The following PTPRK variants were observed in gnomAD, a reference collection of about 807,000 sequenced individuals.
PTPRK encodes the protein receptor-type tyrosine-protein phosphatase kappa.
A neutral mutation model predicts 178.0 loss-of-function variants in PTPRK; 75 were observed. The ratio of observed to expected loss-of-function variants is 0.42; its 90% CI spans 0.35 to 0.51. PTPRK has a LOEUF of 0.51. Among genes scored for constraint, PTPRK ranks in the 20% least tolerant of loss-of-function variants. PTPRK has a pLI of 0.02. For synonymous variants in PTPRK, 637 were observed against 620.6 expected (o/e 1.03, Z -0.39); for missense variants, 1,441 against 1,797.8 (o/e 0.80, Z 3.59).
chr6:128,451,621 A>G (rs1847807288), intron 1 of PTPRK, among the ~76,000 whole-genome samples: 1 of 152,128 alleles, frequency 6.6e-6, no homozygotes, highest in Admixed American at 6.5e-5. Context: ...AGCCTCGGTA[A>G]ATTTTTTTTG....
At position 128,284,696 on chromosome 6, in the gene PTPRK, T is replaced by C. The variant is rs558803156; in HGVS notation, c.495+37343A>G. On this transcript the variant is annotated intron_variant, in intron 3 of 29. Coordinates refer to ENST00000368226, the MANE Select transcript of PTPRK (RefSeq NM_002844.4). ...GGACATTTTTTAAAGTACATGATGTTTTATAATTAATGTTCATAATGCATA... is the reference window on the plus strand; with the variant it reads ...GGACATTTTTTAAAGTACATGATGTCTTATAATTAATGTTCATAATGCATA... 3.9e-5 allele frequency among the ~76,000 whole-genome samples: 6 copies of C among 152,314 alleles called. No homozygotes were observed. The South Asian group carries it at 1.2e-3, about 32-fold the overall frequency.
At chr6:127,988,985 T>C (rs537860548) in intron 21 of PTPRK, among the ~76,000 whole-genome samples, 97 of 152,186 alleles carry the variant, frequency 6.4e-4, no homozygotes, top group African/African-American at 2.2e-3. Flanking sequence ...TTGATCTATA[T>C]AATATAATTT....
intron 3 of PTPRK, chr6:128,321,257 T>C (rs1274891632): frequency 2.0e-5 from 3 of 152,856 alleles, no homozygotes; most frequent in Non-Finnish European, 4.4e-5. Context: ...TCTCAAGGTC[T>C]AACACAAAAT....
intron 6 of PTPRK, among the ~76,000 whole-genome samples, chr6:128,217,068 G>T (rs889917026): frequency 6.6e-6 from 1 of 152,118 alleles, no homozygotes; most frequent in Non-Finnish European, 1.5e-5. Flanking sequence ...GCACGCCCAC[G>T]TTCCTGTAGC....
At chr6:128,019,689 T>A (rs1329661665) in intron 13 of PTPRK, among the ~76,000 whole-genome samples, 1 of 152,196 alleles carries the variant, frequency 6.6e-6, no homozygotes, top group African/African-American at 2.4e-5. Context: ...GAATCATCAC[T>A]GAACAAAACA....
chr6:128,470,259 C>CATATATATATATAT (rs34303350), intron 1 of PTPRK, among the ~76,000 whole-genome samples: 2 of 147,812 alleles, frequency 1.4e-5, no homozygotes, highest in African/African-American at 5.0e-5. Context: ...TCTCAGTTTT[C>CATATATATATATAT]ATATATATAT....
intron 4 of PTPRK, chr6:128,241,394 C>CA (rs1814424553): frequency 1.2e-5 from 6 of 488,828 alleles, no homozygotes; most frequent in Admixed American, 6.7e-5. Flanking sequence ...AAGAGCCAAG[C>CA]AATCTGTGAT....
intron 7 of PTPRK, among the ~76,000 whole-genome samples, chr6:128,136,635 T>C (rs1028550555): frequency 6.6e-6 from 1 of 152,226 alleles, no homozygotes; most frequent in Non-Finnish European, 1.5e-5. Context: ...ACACTGTAGA[T>C]GCAGTTGTAT....
chr6:128,184,128 G>A (rs7772200), intron 7 of PTPRK, among the ~76,000 whole-genome samples: 4,133 of 152,146 alleles, frequency 0.027, 153 homozygotes, highest in African/African-American at 0.064. Context: ...TCTCAATAAT[G>A]CTTTCAATTA....
intron 11 of PTPRK, among the ~76,000 whole-genome samples, chr6:128,070,729 T>C (rs952494801): frequency 3.3e-5 from 5 of 151,878 alleles, no homozygotes; most frequent in African/African-American, 7.3e-5. Flanking sequence ...AGTTTCTAGA[T>C]ATTTTTAATC....
intron 3 of PTPRK, among the ~76,000 whole-genome samples, chr6:128,254,984 A>G (rs944151975): frequency 2.0e-5 from 3 of 152,086 alleles, no homozygotes; most frequent in African/African-American, 7.2e-5. Context: ...GTGGAATAAA[A>G]TCAGGGTTTT....
chr6:128,506,267 A>G (rs1856322737), intron 1 of PTPRK, among the ~76,000 whole-genome samples: 1 of 152,176 alleles, frequency 6.6e-6, no homozygotes, highest in Non-Finnish European at 1.5e-5. Flanking sequence ...CACTGCTTGG[A>G]GTGGCAGAGA....
At chr6:128,070,434 G>A (rs1436932581) in intron 11 of PTPRK, among the ~76,000 whole-genome samples, 2 of 151,966 alleles carry the variant, frequency 1.3e-5, no homozygotes, top group African/African-American at 4.8e-5. Context: ...CCAAATCCGA[G>A]AGCACCTGGA....
chr6:128,241,203 A>G (rs1272120515), intron 4 of PTPRK: 2 of 532,690 alleles, frequency 3.8e-6, no homozygotes, highest in African/African-American at 1.9e-5. Flanking sequence ...TACTGGCTAC[A>G]TCTTTCTCTA....
intron 2 of PTPRK, among the ~76,000 whole-genome samples, chr6:128,371,714 G>C (rs1046112627): frequency 1.3e-5 from 2 of 151,952 alleles, no homozygotes; most frequent in African/African-American, 4.8e-5. Context: ...TCTCAAGAAA[G>C]CAAGGCCAAA....
intron 2 of PTPRK, among the ~76,000 whole-genome samples, chr6:128,388,890 T>G (rs1261792222): frequency 6.6e-6 from 1 of 152,170 alleles, no homozygotes; most frequent in African/African-American, 2.4e-5. Context: ...AACATAACTT[T>G]TGAATAGTCA....
intron 7 of PTPRK, among the ~76,000 whole-genome samples, chr6:128,123,030 G>A (rs1792731434): frequency 6.6e-6 from 1 of 152,154 alleles, no homozygotes; most frequent in Non-Finnish European, 1.5e-5. Context: ...CTTTGCAGAG[G>A]TAATTAAGGA....
chr6:128,021,857 T>C (rs1773561623), intron 13 of PTPRK, among the ~76,000 whole-genome samples: 1 of 152,208 alleles, frequency 6.6e-6, no homozygotes, highest in Admixed American at 6.5e-5. Flanking sequence ...ATAACTTGAA[T>C]CTCAGTTTCT....
Position 128,015,379 on chromosome 6 carries a change from ACTGT to A in PTPRK, c.2195-6115_2195-6112del, listed in dbSNP as rs1779492215. ...ATTAGGTAAAATAGAGCGTTAGTGC[ACTGT>A]CTTACTTCTTAAACACAGTTGATTC... On this transcript the variant is annotated intron_variant, in intron 13 of 29. Transcript: ENST00000368226. Among the ~76,000 whole-genome samples the A allele has an allele frequency of 4.0e-5, 6 of 151,846 alleles. No homozygotes were observed. The South Asian group carries it at 1.2e-3, about 31-fold the overall frequency.
Sources: gnomAD v4.1 joint callset for allele counts (sites outside exome capture counted in the v4.1 genomes callset) on GRCh38, gnomAD v4.1.1 for gene constraint, MANE v1.5 for transcripts, NCBI Gene and HGNC (gene_info 2026-07-23, HGNC 2026-07-21) for gene names.